The following C8A variants were observed in gnomAD, a reference collection of about 807,000 sequenced individuals.
C8A encodes complement component C8 alpha chain.
In C8A, 67 loss-of-function variants were observed where a neutral mutation model predicts 65.3. The observed-to-expected ratio is 1.03, with a 90% confidence interval of 0.84 to 1.26. The LOEUF is 1.26. C8A is among the 50% of genes most tolerant of loss of function. The pLI is 0.00. For synonymous variants in C8A, 290 were observed against 259.4 expected (o/e 1.12, Z -1.13); for missense variants, 781 against 723.9 (o/e 1.08, Z -0.90).
At chr1:56,895,799 A>T (rs1011648456) in intron 7 of C8A, among the ~76,000 whole-genome samples, 2 of 151,902 alleles carry the variant, frequency 1.3e-5, no homozygotes, top group Non-Finnish European at 2.9e-5. Flanking sequence ...ACAAACAAAA[A>T]ACTAGCCAGG....
At chr1:56,864,518 A>G (rs1249671651) in intron 1 of C8A, among the ~76,000 whole-genome samples, 3 of 152,180 alleles carry the variant, frequency 2.0e-5, no homozygotes, top group Admixed American at 1.3e-4. Context: ...TGGAGGCCCC[A>G]AGTAACTATT....
intron 1 of C8A, among the ~76,000 whole-genome samples, chr1:56,864,470 A>G (rs998025836): frequency 2.0e-5 from 3 of 152,182 alleles, no homozygotes; most frequent in African/African-American, 7.2e-5. Context: ...TGCAGTGGGA[A>G]TCCCCTTAAG....
intron 7 of C8A, among the ~76,000 whole-genome samples, chr1:56,899,612 T>A (rs1225037134): frequency 1.3e-5 from 2 of 152,164 alleles, no homozygotes; most frequent in Non-Finnish European, 2.9e-5. Flanking sequence ...GGCTAACCAC[T>A]TATACTGCAG....
chr1:56,906,860 T>C, intron 8 of C8A, 68 bp downstream of exon 8: 1 of 1,592,148 alleles, frequency 6.3e-7, no homozygotes, highest in South Asian at 1.1e-5. Context: ...CACTGGGACA[T>C]GGAAGCTATT....
intron 7 of C8A, among the ~76,000 whole-genome samples, chr1:56,894,032 T>C (rs888042193): frequency 6.6e-6 from 1 of 152,170 alleles, no homozygotes; most frequent in Non-Finnish European, 1.5e-5. Flanking sequence ...TTCAAAAATG[T>C]TACCTATTAT....
intron 4 of C8A, among the ~76,000 whole-genome samples, chr1:56,880,667 T>C (rs900651655): frequency 2.6e-5 from 4 of 152,090 alleles, no homozygotes; most frequent in African/African-American, 9.7e-5. Context: ...ATTTCAAAGT[T>C]TTTTTTTGTA....
intron 6 of C8A, among the ~76,000 whole-genome samples, chr1:56,885,521 A>G (rs1644292136): frequency 6.9e-6 from 1 of 144,054 alleles, no homozygotes; most frequent in Admixed American, 7.1e-5. Context: ...TCTTACAGCT[A>G]CTAAAAGCTG....
chr1:56,875,742 T>C (rs1188275394), intron 3 of C8A, among the ~76,000 whole-genome samples: 1 of 152,124 alleles, frequency 6.6e-6, no homozygotes, highest in African/African-American at 2.4e-5. Context: ...GGGTCCAGAC[T>C]GTGGCATTTG....
At chr1:56,906,813 C>G (rs751528652) in intron 8 of C8A, 21 bp downstream of exon 8, 1 of 1,613,882 alleles carries the variant, frequency 6.2e-7, no homozygotes, top group Non-Finnish European at 8.5e-7. Flanking sequence ...AGTAATAGAT[C>G]TCCCAAAAAG....
At position 56,881,606 on chromosome 1, in the gene C8A, C is replaced by G; in HGVS notation, c.626C>G (p.Pro209Arg). 3.7e-6 allele frequency: 6 copies of G among 1,613,474 alleles called. No homozygotes were observed. Among genetic ancestry groups the G allele is most frequent in the Non-Finnish European group, 5.1e-6 (6 of 1,179,732 alleles). ...YGDDEKYFRKPYNFLKYHFEA... is the reference protein window; with the variant it reads ...YGDDEKYFRKRYNFLKYHFEA... ...GATGATGAGAAATACTTTCGGAAAC[C>G]CTACAACTTTCTGAAGTACCACTTT... Residue 209 changes from proline to arginine, a missense_variant, in exon 5 of 11, where the codon CCC (proline) becomes CGC (arginine). Transcript: ENST00000361249.
intron 7 of C8A, among the ~76,000 whole-genome samples, chr1:56,897,695 A>G (rs1225770577): frequency 1.3e-5 from 2 of 152,222 alleles, no homozygotes; most frequent in African/African-American, 4.8e-5. Context: ...GTTTGATTAT[A>G]ACTCCCTTTC....
At chr1:56,900,229 A>G (rs918228181) in intron 7 of C8A, among the ~76,000 whole-genome samples, 1 of 152,208 alleles carries the variant, frequency 6.6e-6, no homozygotes, top group Non-Finnish European at 1.5e-5. Flanking sequence ...GAATAACAGT[A>G]GCATGATGAA....
intron 2 of C8A, among the ~76,000 whole-genome samples, chr1:56,869,674 C>T (rs1453157450): frequency 6.6e-6 from 1 of 152,094 alleles, no homozygotes; most frequent in Admixed American, 6.6e-5. Context: ...ATGTCAACAT[C>T]TATTATGTTT....
At chr1:56,888,927 G>A (rs1010928232) in intron 7 of C8A, among the ~76,000 whole-genome samples, 3 of 152,160 alleles carry the variant, frequency 2.0e-5, no homozygotes, top group Non-Finnish European at 4.4e-5. Flanking sequence ...TCTGGGGTCA[G>A]AGCCCTGGAC....
At chr1:56,866,817 G>T (rs893670301) in intron 1 of C8A, among the ~76,000 whole-genome samples, 1 of 152,180 alleles carries the variant, frequency 6.6e-6, no homozygotes, top group African/African-American at 2.4e-5. Context: ...GAAGTATAGG[G>T]TAAGAGAAGG....
intron 10 of C8A, 89 bp from the exon 11 acceptor site, chr1:56,917,476 C>T: frequency 7.2e-7 from 1 of 1,392,518 alleles, no homozygotes; most frequent in Non-Finnish European, 1.0e-6. Flanking sequence ...CCCAAGGGTG[C>T]CACACACCCC....
At position 56,854,835 on chromosome 1, in the gene C8A, A is replaced by T; in HGVS notation, c.-67A>T. On this transcript the variant is annotated 5_prime_UTR_variant, in exon 1 of 11. Coordinates refer to ENST00000361249, the MANE Select transcript of C8A (RefSeq NM_000562.3). Reference sequence around the variant, plus strand: ...AGGTCCCAGCCTGTAGACATCTTTTACTCCAATTTCCTGAATAGATAGCTT... The same window carrying T: ...AGGTCCCAGCCTGTAGACATCTTTTTCTCCAATTTCCTGAATAGATAGCTT... 7.3e-7 allele frequency: 1 copy of T among 1,373,586 alleles called. No individual in the cohort carries two copies. Among genetic ancestry groups the T allele is most frequent in the Non-Finnish European group, 1.0e-6 (1 of 973,740 alleles). 85.1% of individuals were successfully genotyped at this position (1,373,586 alleles called of 1,614,324 possible).
chr1:56,886,007 A>C lies in C8A; in HGVS notation c.936A>C (p.Glu312Asp), dbSNP rs1644297053. 1 of 1,613,968 alleles carries C rather than the reference A, an allele frequency of 6.2e-7. No individual in the cohort carries two copies. Among genetic ancestry groups the C allele is most frequent in the African/African-American group, 1.3e-5 (1 of 74,946 alleles). ...KMRKDDIMLD[E>D]GMLQSLMELP... ...GGAAGGATGACATTATGCTGGATGA[A>C]GGAATGCTGCAGTCATTAATGGAGC... The change falls in exon 7 of 11, where the codon GAA becomes GAC. Residue 312 changes from glutamate to aspartate, a missense_variant. Glu to Asp is a conservative substitution (Grantham distance 45). Coordinates refer to ENST00000361249, the MANE Select transcript of C8A (RefSeq NM_000562.3).
rs540424629 is a variant in C8A, at chr1:56,857,364, C to T, written c.77+2386C>T. On this transcript the variant is annotated intron_variant, in intron 1 of 10. Transcript: ENST00000361249. ...TATTCTGACTGCTTGATAATTTACC[C>T]TTTTATTATCATGAAAGGCTTCCAT... is the stretch of plus-strand genomic sequence containing the variant. Among the ~76,000 whole-genome samples, 22 of 151,810 alleles carry T rather than the reference C, an allele frequency of 1.4e-4. No individual in the cohort carries two copies. The South Asian group carries it at 4.4e-3, about 30-fold the overall frequency.
Sources: gnomAD v4.1 joint callset for allele counts (sites outside exome capture counted in the v4.1 genomes callset) on GRCh38, gnomAD v4.1.1 for gene constraint, MANE v1.5 for transcripts, NCBI Gene and HGNC (gene_info 2026-07-23, HGNC 2026-07-21) for gene names.